Variants in TMC7 observed in about 807,000 individuals in gnomAD.
TMC7 encodes transmembrane channel like 7, also known as transmembrane channel-like protein 7.
Under a neutral mutation model 82.9 loss-of-function variants are expected in TMC7, and 54 were observed. The observed-to-expected ratio is 0.65, with a 90% CI of 0.52 to 0.82. The LOEUF (loss-of-function observed/expected upper bound fraction) is 0.82, where lower values mean the gene tolerates loss of function less well. Among genes scored for constraint, TMC7 ranks in the 40% least tolerant of loss-of-function variants. The probability of loss-of-function intolerance (pLI) is 0.00; values close to 1 mark genes in which losing one functional copy is unlikely to be tolerated. For missense variants in TMC7, 820 were observed against 901.2 expected (o/e 0.91, Z 1.15); for synonymous variants, 350 against 337.9 (o/e 1.04, Z -0.39).
intron 6 of TMC7, among the ~76,000 whole-genome samples, chr16:19,031,215 A>G (rs1305689333): frequency 2.0e-5 from 3 of 152,154 alleles, no homozygotes; most frequent in Admixed American, 1.3e-4. Flanking sequence ...AGGTGCAGAA[A>G]TCCTTAGAAA....
chr16:19,010,917 C>T (rs1004467591), intron 2 of TMC7, among the ~76,000 whole-genome samples: 1 of 152,106 alleles, frequency 6.6e-6, no homozygotes, highest in Non-Finnish European at 1.5e-5. Context: ...CCTGCAGAAC[C>T]TCTTGGGACT....
chr16:19,037,122 C>T (rs530947966), intron 7 of TMC7, among the ~76,000 whole-genome samples: 65 of 151,972 alleles, frequency 4.3e-4, no homozygotes, highest in Non-Finnish European at 7.1e-4. Flanking sequence ...CTAGGCCAGG[C>T]GCAGTGGTTC....
chr16:19,003,613 T>A (rs1172464441), intron 1 of TMC7, among the ~76,000 whole-genome samples: 2 of 143,994 alleles, frequency 1.4e-5, no homozygotes, highest in African/African-American at 5.2e-5. Context: ...GGGAAAAGAT[T>A]GAGAAATCGG....
rs1455289550 is a variant in TMC7 at position 19,016,588 on chromosome 16, C to G, written c.450C>G (p.Arg150=). ...TGGAGCTGTGGCGGGAGGACATCCG[C>G]AGCATAGAAGGTATGCTGTCCTCAC... ...THLELWREDI[R]SIEGKFGTGI... The change falls in exon 3 of 16, where the codon CGC becomes CGG. Residue 150 remains arginine, a synonymous_variant. Transcript: ENST00000304381. 1 of 1,613,340 alleles carries G rather than the reference C, an allele frequency of 6.2e-7. No homozygotes were observed. The highest frequency in any genetic ancestry group is 8.5e-7 in the Non-Finnish European group (1 of 1,179,940).
chr16:19,014,180 C>G (rs979029150), intron 2 of TMC7, among the ~76,000 whole-genome samples: 4 of 151,988 alleles, frequency 2.6e-5, no homozygotes, highest in Admixed American at 6.6e-5. Context: ...TCTTGCTTAT[C>G]GAGATTTGGG....
chr16:19,018,952 G>A (rs919353753), intron 3 of TMC7, among the ~76,000 whole-genome samples: 2 of 152,216 alleles, frequency 1.3e-5, no homozygotes, highest in African/African-American at 4.8e-5. Flanking sequence ...ACAAGTTCAA[G>A]TGATTCCCCT....
At chr16:18,987,774 A>G (rs2038878381) in intron 1 of TMC7, among the ~76,000 whole-genome samples, 1 of 152,116 alleles carries the variant, frequency 6.6e-6, no homozygotes. Flanking sequence ...GCCGTAACAT[A>G]GTGGTTATAA....
Position 19,037,898 on chromosome 16 carries a change from C to T in TMC7, c.1030C>T (p.Arg344Trp), listed in dbSNP as rs771924631. 1.2e-5 allele frequency: 19 copies of T among 1,612,368 alleles called. No homozygotes were observed. The highest frequency in any genetic ancestry group is 8.9e-5 in the East Asian group (4 of 44,826). Residue 344 changes from arginine (R) to tryptophan (W), a missense_variant, in exon 8 of 16, where the codon CGG becomes TGG. Coordinates refer to ENST00000304381, the MANE Select transcript of TMC7 (RefSeq NM_024847.4). ...GGCAGATCTGGAGGAAGAAAGAATG[C>T]GGCAGAAAATAGCAGAAAGGACCTC... ...LRADLEEERMRQKIAERTSEE... is the reference protein window; with the variant it reads ...LRADLEEERMWQKIAERTSEE...
chr16:18,987,835 C>T (rs1385490966), intron 1 of TMC7, among the ~76,000 whole-genome samples: 1 of 152,138 alleles, frequency 6.6e-6, no homozygotes, highest in African/African-American at 2.4e-5. Flanking sequence ...CTCCTCCAGC[C>T]TCCTCAAGGG....
chr16:19,016,486 A>G lies in TMC7; in HGVS notation c.348A>G (p.Glu116=), dbSNP rs781355084. 6.2e-7 allele frequency: 1 copy of G among 1,614,192 alleles called. No individual in the cohort carries two copies. The highest frequency in any genetic ancestry group is 8.5e-7 in the Non-Finnish European group (1 of 1,180,038). ...AGACACAAATGAAGTATCTCTCCGA[A>G]TGGGACCAGTGGAAGCGGTATAGCA... ...IQETQMKYLS[E]WDQWKRYSSK... is the part of the protein sequence containing the mutation. Residue 116 remains glutamate (E), a synonymous_variant, in exon 3 of 16, where the codon GAA becomes GAG. Coordinates refer to ENST00000304381, the MANE Select transcript of TMC7 (RefSeq NM_024847.4).
At chr16:18,994,642 T>G (rs2039009250) in intron 1 of TMC7, among the ~76,000 whole-genome samples, 1 of 151,570 alleles carries the variant, frequency 6.6e-6, no homozygotes, top group African/African-American at 2.4e-5. Context: ...ACAGAATGGG[T>G]TGTGGAGGGA....
At chr16:19,026,030 C>T (rs1001319269) in intron 5 of TMC7, among the ~76,000 whole-genome samples, 5 of 152,140 alleles carry the variant, frequency 3.3e-5, no homozygotes, top group Non-Finnish European at 5.9e-5. Context: ...CCTGTCTCGG[C>T]TTCCCAAAGT....
intron 1 of TMC7, 41 bp from the exon 2 acceptor site, chr16:19,009,131 A>G (rs563270276): frequency 1.3e-6 from 2 of 1,590,016 alleles, no homozygotes; most frequent in East Asian, 2.2e-5. Flanking sequence ...TGGCTTCCGA[A>G]CTCACTGGAG....
intron 5 of TMC7, among the ~76,000 whole-genome samples, chr16:19,029,795 C>T (rs1960423506): frequency 6.6e-6 from 1 of 151,458 alleles, no homozygotes. Flanking sequence ...ATTCTCCTGC[C>T]TCAGCCTCCC....
At chr16:19,026,364 C>G (rs1960226958) in intron 5 of TMC7, among the ~76,000 whole-genome samples, 1 of 151,374 alleles carries the variant, frequency 6.6e-6, no homozygotes, top group Non-Finnish European at 1.5e-5. Flanking sequence ...GTAGTCCCAG[C>G]TACTTGGGAG....
chr16:18,995,502 A>G (rs529595959), intron 1 of TMC7, among the ~76,000 whole-genome samples: 26 of 152,266 alleles, frequency 1.7e-4, no homozygotes, highest in Admixed American at 9.2e-4. Flanking sequence ...CCAATTTCCA[A>G]TGGGGTCCCA....
At chr16:19,052,198 C>T (rs1961571080) in intron 13 of TMC7, among the ~76,000 whole-genome samples, 1 of 152,096 alleles carries the variant, frequency 6.6e-6, no homozygotes, top group Admixed American at 6.6e-5. Context: ...TCCCAAAGTA[C>T]TCGGATTACA....
At chr16:19,059,787 GC>G (rs1363126813) in intron 15 of TMC7, 9 of 985,608 alleles carry the variant, frequency 9.1e-6, no homozygotes, top group Non-Finnish European at 1.3e-5. Flanking sequence ...GACCAGCCTG[GC>G]CAACATGGTG....
rs35402613 is a variant in TMC7 at position 19,013,851 on chromosome 16, CTTTTTTTT to C, written c.312-2586_312-2579del. On this transcript the variant is annotated intron_variant, in intron 2 of 15. Transcript: ENST00000304381. ...GGTTTTTTTAACCTTAGCACTCTTG[CTTTTTTTT>C]TTTTTTTTTTTTGAGATGGGGTCTC... Among the ~76,000 whole-genome samples the C allele has an allele frequency of 4.6e-5, 4 of 87,096 alleles. No homozygotes were observed. The South Asian group carries it at 1.7e-3, about 37-fold the overall frequency. 57.1% of individuals were successfully genotyped at this position (87,096 alleles called of 152,430 possible).
Sources: allele counts gnomAD v4.1 joint callset (sites outside exome capture counted in the v4.1 genomes callset), GRCh38; gene constraint gnomAD v4.1.1; transcripts MANE v1.5; gene names NCBI Gene and HGNC (gene_info 2026-07-23, HGNC 2026-07-21).